The following RPL39L variants were observed in gnomAD, a reference collection of about 807,000 sequenced individuals.
RPL39L encodes ribosomal protein eL39-like 2.
For synonymous variants in RPL39L, 16 were observed against 20.1 expected (o/e 0.80, Z 0.55); for missense variants, 48 against 58.9 (o/e 0.81, Z 0.61).
At chr3:187,136,196 T>G (rs1720575955) in intron 1 of RPL39L, among the ~76,000 whole-genome samples, 1 of 152,220 alleles carries the variant, frequency 6.6e-6, no homozygotes, top group African/African-American at 2.4e-5. Flanking sequence ...TATCTACACT[T>G]CAGACTAGAG....
In RPL39L at chr3:187,131,492, C is replaced by T. The variant is rs147375901; in HGVS notation, c.-92-3430G>A. Among the ~76,000 whole-genome samples the T allele has an allele frequency of 7.9e-5, 12 of 152,268 alleles. No individual in the cohort carries two copies. The East Asian group carries it at 2.1e-3, about 27-fold the overall frequency. ...ACGGAGGTTGCAGTGAGCCAAATCACGCCACTGCACTCCAGCCTGGGAGAC... is the reference window on the plus strand; with the variant it reads ...ACGGAGGTTGCAGTGAGCCAAATCATGCCACTGCACTCCAGCCTGGGAGAC... On this transcript the variant is annotated intron_variant, in intron 1 of 2. Coordinates refer to ENST00000296277, the MANE Select transcript of RPL39L (RefSeq NM_052969.3).
Position 187,132,326 on chromosome 3 carries a change from T to G in RPL39L, c.-92-4264A>C, listed in dbSNP as rs568419965. Among the ~76,000 whole-genome samples the G allele has an allele frequency of 9.2e-5, 14 of 152,346 alleles. 1 individual carries two copies. In the East Asian group the frequency reaches 2.7e-3, roughly 29 times the overall value. ...CCTTTGACAAGAGAGAATACAGATT[T>G]TTTTTGAAAAAAGTTTTGCTCAAAA... On this transcript the variant is annotated intron_variant, in intron 1 of 2. Coordinates refer to ENST00000296277, the MANE Select transcript of RPL39L (RefSeq NM_052969.3).
At chr3:187,131,919 A>C (rs1720490107) in intron 1 of RPL39L, among the ~76,000 whole-genome samples, 1 of 152,190 alleles carries the variant, frequency 6.6e-6, no homozygotes, top group Non-Finnish European at 1.5e-5. Context: ...CACTATCTTG[A>C]CTATTTAATA....
chr3:187,127,370 T>A (rs1454431386), intron 2 of RPL39L, among the ~76,000 whole-genome samples: 1 of 152,222 alleles, frequency 6.6e-6, no homozygotes, highest in East Asian at 1.9e-4. Context: ...ATGATACTGA[T>A]GCCACACCAC....
chr3:187,133,887 C>A (rs563187643), intron 1 of RPL39L, among the ~76,000 whole-genome samples: 1 of 152,120 alleles, frequency 6.6e-6, no homozygotes, highest in Non-Finnish European at 1.5e-5. Context: ...TGATTCAAGA[C>A]CCCACATTAC....
At chr3:187,121,445 T>C (rs151186467) in intron 2 of RPL39L, 117 bp from the exon 3 acceptor site, 13 of 1,030,660 alleles carry the variant, frequency 1.3e-5, no homozygotes, top group East Asian at 8.0e-5. Context: ...CGAGGGCTCA[T>C]TGCCACTCAG....
At chr3:187,133,076 A>C (rs2108469981) in intron 1 of RPL39L, among the ~76,000 whole-genome samples, 1 of 152,328 alleles carries the variant, frequency 6.6e-6, no homozygotes, top group Middle Eastern at 3.4e-3. Context: ...CTCAGACATA[A>C]AGACAGTTTG....
intron 1 of RPL39L, among the ~76,000 whole-genome samples, chr3:187,129,315 T>C (rs1720449345): frequency 1.3e-5 from 2 of 152,346 alleles, no homozygotes; most frequent in South Asian, 4.1e-4. Context: ...CCACACACAC[T>C]GAACACTGCC....
chr3:187,132,471 T>C (rs1015035303), intron 1 of RPL39L, among the ~76,000 whole-genome samples: 1 of 152,202 alleles, frequency 6.6e-6, no homozygotes, highest in Non-Finnish European at 1.5e-5. Context: ...TTCATTTAGG[T>C]AATCAGGTAA....
chr3:187,132,064 A>G (rs1253720905), intron 1 of RPL39L, among the ~76,000 whole-genome samples: 1 of 152,206 alleles, frequency 6.6e-6, no homozygotes, highest in Non-Finnish European at 1.5e-5. Context: ...CATTTCCTTG[A>G]GGCTGCCTAC....
intron 1 of RPL39L, among the ~76,000 whole-genome samples, chr3:187,135,326 C>A (rs984506603): frequency 8.5e-5 from 13 of 152,206 alleles, no homozygotes; most frequent in Admixed American, 2.6e-4. Context: ...GTAACTTCCA[C>A]AACTCCCACG....
chr3:187,130,468 TG>T, intron 1 of RPL39L, among the ~76,000 whole-genome samples: 1 of 152,290 alleles, frequency 6.6e-6, no homozygotes, highest in Non-Finnish European at 1.5e-5. Context: ...TGAGTTCTTG[TG>T]AGTCTGGTCA....
intron 2 of RPL39L, 101 bp downstream of exon 2, chr3:187,127,898 C>T (rs1720424929): frequency 6.6e-6 from 1 of 152,120 alleles, no homozygotes; most frequent in Non-Finnish European, 1.5e-5. Flanking sequence ...AAAATATCTA[C>T]AAAACTAAAA....
intron 1 of RPL39L, among the ~76,000 whole-genome samples, chr3:187,134,004 GA>G (rs1052517360): frequency 6.6e-6 from 1 of 151,438 alleles, no homozygotes; most frequent in Non-Finnish European, 1.5e-5. Flanking sequence ...GCATGAAAAA[GA>G]AAAAAACAAC....
chr3:187,121,427 T>A lies in RPL39L; in HGVS notation c.-28-99A>T, dbSNP rs16861629. ...ACAAGACAAGAAAGAGGATCTTTAGTGCCACAGCGAGGGCTCATTGCCACT... is the reference window on the plus strand; with the variant it reads ...ACAAGACAAGAAAGAGGATCTTTAGAGCCACAGCGAGGGCTCATTGCCACT... On this transcript the variant is annotated intron_variant, in intron 2 of 2. Transcript: ENST00000296277. The A allele has an allele frequency of 4.0e-3, 4,980 of 1,239,620 alleles. 183 individuals are homozygous for A. The African/African-American group carries it at 0.068, about 17-fold the overall frequency. The allele number at this position is 1,239,620 out of a possible 1,614,324, so 76.8% of individuals were successfully genotyped here.
rs9757466 is a variant in RPL39L at position 187,139,236 on chromosome 3, T to C, written c.-116A>G. On this transcript the variant is annotated 5_prime_UTR_variant, in exon 1 of 3. Coordinates refer to ENST00000296277, the MANE Select transcript of RPL39L (RefSeq NM_052969.3). ...ACCGGCGCCCTGGCCTCTGCTTTTT[T>C]CCCACTCTAGGACGCAAATCTCGAT... 5,611 of 152,430 alleles carry C rather than the reference T, an allele frequency of 0.037. 318 individuals are homozygous for C. The highest frequency in any genetic ancestry group is 0.12 in the African/African-American group (4,891 of 41,500). 9.4% of individuals were successfully genotyped at this position (152,430 alleles called of 1,614,324 possible). A position where few individuals can be genotyped will look rare whatever the true frequency, so the allele number is the denominator to read the frequency against.
At chr3:187,121,809 T>C (rs1720314479) in intron 2 of RPL39L, among the ~76,000 whole-genome samples, 2 of 152,214 alleles carry the variant, frequency 1.3e-5, no homozygotes, top group East Asian at 1.9e-4. Context: ...ATGCAGAATA[T>C]TGTCTTTCTA....
chr3:187,137,132 G>A (rs1306597154), intron 1 of RPL39L, among the ~76,000 whole-genome samples: 14 of 144,266 alleles, frequency 9.7e-5, no homozygotes, highest in Non-Finnish European at 1.5e-5. Context: ...CCGAGGAGAT[G>A]AGGTTGTAGT....
chr3:187,123,046 G>A (rs988845334), intron 2 of RPL39L, among the ~76,000 whole-genome samples: 2 of 152,180 alleles, frequency 1.3e-5, no homozygotes, highest in East Asian at 1.9e-4. Flanking sequence ...AAATATCATG[G>A]TAAGGAAATA....
Sources: allele counts gnomAD v4.1 joint callset (sites outside exome capture counted in the v4.1 genomes callset), GRCh38; gene constraint gnomAD v4.1.1; transcripts MANE v1.5; gene names NCBI Gene and HGNC (gene_info 2026-07-23, HGNC 2026-07-21).